The following ZFYVE9 variants were observed in gnomAD, a reference collection of about 807,000 sequenced individuals.
ZFYVE9 encodes zinc finger FYVE domain-containing protein 9.
A neutral mutation model predicts 126.7 loss-of-function variants in ZFYVE9; 43 were observed. The ratio of observed to expected loss-of-function variants is 0.34; its 90% CI spans 0.27 to 0.44. The LOEUF (loss-of-function observed/expected upper bound fraction) is 0.44, where lower values mean the gene tolerates loss of function less well. Among genes scored for constraint, ZFYVE9 ranks in the 20% least tolerant of loss-of-function variants. The pLI is 1.00. For missense variants in ZFYVE9, 1,476 were observed against 1,697.0 expected (o/e 0.87, Z 2.29); for synonymous variants, 521 against 597.4 (o/e 0.87, Z 1.87).
In ZFYVE9 at chr1:52,235,125, A is replaced by G. The variant is rs564498429; in HGVS notation, c.70+1849A>G. Among the ~76,000 whole-genome samples the G allele has an allele frequency of 3.9e-5, 6 of 152,288 alleles. No homozygotes were observed. In the East Asian group the frequency reaches 9.6e-4, roughly 24 times the overall value. On this transcript the variant is annotated intron_variant, in intron 3 of 18. Coordinates refer to ENST00000287727, the MANE Select transcript of ZFYVE9 (RefSeq NM_004799.4). ...AGAATAATAACTCCTTTAGAAGGAG[A>G]AGGATTTCTGAAACCAGCTTCTTGG...
At chr1:52,344,065 T>C (rs1646463729) in intron 17 of ZFYVE9, among the ~76,000 whole-genome samples, 1 of 150,830 alleles carries the variant, frequency 6.6e-6, no homozygotes, top group Non-Finnish European at 1.5e-5. Flanking sequence ...AGTGAGACTT[T>C]GTTTCCAAAA....
At chr1:52,193,974 A>G (rs1054411815) in intron 1 of ZFYVE9, among the ~76,000 whole-genome samples, 31 of 152,050 alleles carry the variant, frequency 2.0e-4, no homozygotes, top group African/African-American at 7.0e-4. Context: ...TATGTGTACA[A>G]TTAAAGTAGT....
At chr1:52,338,980 G>A (rs1405705438) in intron 16 of ZFYVE9, among the ~76,000 whole-genome samples, 2 of 152,088 alleles carry the variant, frequency 1.3e-5, no homozygotes, top group East Asian at 1.9e-4. Context: ...ACTGCATTCC[G>A]GCCTGGACAA....
intron 1 of ZFYVE9, among the ~76,000 whole-genome samples, chr1:52,198,413 A>G (rs190614210): frequency 2.3e-4 from 35 of 152,138 alleles, no homozygotes; most frequent in African/African-American, 7.5e-4. Flanking sequence ...GTTCTTTAAT[A>G]TAAGTAATTT....
chr1:52,294,651 G>A (rs751133600), intron 11 of ZFYVE9, among the ~76,000 whole-genome samples: 6 of 152,168 alleles, frequency 3.9e-5, no homozygotes, highest in Non-Finnish European at 8.8e-5. Context: ...GGAGCTCCAA[G>A]ACAGGCTCTA....
At chr1:52,146,626 A>G (rs1572054283) in intron 1 of ZFYVE9, among the ~76,000 whole-genome samples, 1 of 152,178 alleles carries the variant, frequency 6.6e-6, no homozygotes, top group African/African-American at 2.4e-5. Flanking sequence ...GTTCAGTCCC[A>G]TGAGTCCTGG....
intron 4 of ZFYVE9, among the ~76,000 whole-genome samples, chr1:52,251,507 TG>T (rs1645446362): frequency 6.6e-6 from 1 of 152,220 alleles, no homozygotes. Flanking sequence ...TTACATTAAT[TG>T]ATTTTCATAA....
intron 4 of ZFYVE9, among the ~76,000 whole-genome samples, chr1:52,247,606 C>T (rs957518654): frequency 1.3e-5 from 2 of 152,096 alleles, no homozygotes; most frequent in African/African-American, 4.8e-5. Flanking sequence ...AAGTGATTCT[C>T]CTGCCTCAGC....
intron 1 of ZFYVE9, among the ~76,000 whole-genome samples, chr1:52,188,696 T>C (rs1644788015): frequency 6.6e-6 from 1 of 152,164 alleles, no homozygotes; most frequent in African/African-American, 2.4e-5. Context: ...CATTGGTTTA[T>C]ATAGTAGACT....
chr1:52,168,227 T>C (rs915402590), intron 1 of ZFYVE9, among the ~76,000 whole-genome samples: 1 of 146,438 alleles, frequency 6.8e-6, no homozygotes, highest in Admixed American at 6.8e-5. Context: ...TTTTTTTTTT[T>C]TTTTTTTTTG....
At chr1:52,270,561 G>T (rs1645682435) in intron 7 of ZFYVE9, among the ~76,000 whole-genome samples, 1 of 152,036 alleles carries the variant, frequency 6.6e-6, no homozygotes, top group South Asian at 2.1e-4. Context: ...ACCGCGCCTG[G>T]CCTATAGCTT....
intron 1 of ZFYVE9, among the ~76,000 whole-genome samples, chr1:52,179,367 G>A (rs1011254828): frequency 6.6e-6 from 1 of 152,210 alleles, no homozygotes; most frequent in African/African-American, 2.4e-5. Flanking sequence ...GGGCGTGGTG[G>A]CTCATGCCTG....
intron 13 of ZFYVE9, among the ~76,000 whole-genome samples, chr1:52,321,799 G>GT (rs1646242916): frequency 6.6e-6 from 1 of 152,202 alleles, no homozygotes; most frequent in East Asian, 1.9e-4. Context: ...CTCATTTATC[G>GT]TAATTTAATT....
chr1:52,172,308 T>G (rs1351436859), intron 1 of ZFYVE9, among the ~76,000 whole-genome samples: 1 of 152,206 alleles, frequency 6.6e-6, no homozygotes, highest in African/African-American at 2.4e-5. Context: ...ATCAGATAGT[T>G]GTAGATATGC....
chr1:52,345,025 C>A, intron 18 of ZFYVE9, 81 bp downstream of exon 18: 1 of 1,497,108 alleles, frequency 6.7e-7, no homozygotes, highest in Non-Finnish European at 9.2e-7. Flanking sequence ...TGCATCACCC[C>A]AGAGAGCTTA....
At chr1:52,206,756 G>T (rs939121994) in intron 1 of ZFYVE9, among the ~76,000 whole-genome samples, 7 of 152,110 alleles carry the variant, frequency 4.6e-5, no homozygotes, top group African/African-American at 1.7e-4. Context: ...CGCCATGTTG[G>T]CCAGGCTCTT....
Position 52,142,780 on chromosome 1 carries a change from G to T in ZFYVE9, c.-143+377G>T, listed in dbSNP as rs1408640854. On this transcript the variant is annotated intron_variant, in intron 1 of 18. Transcript: ENST00000287727. The surrounding 1 kb of genome is among the most constrained non-coding windows in gnomAD (Gnocchi z 4.5). Reference sequence around the variant, plus strand: ...GCAGATGACGCCTGTTTGCAAACAAGCTTTGGCTTCCACGCGTCCCATACC... The same window carrying T: ...GCAGATGACGCCTGTTTGCAAACAATCTTTGGCTTCCACGCGTCCCATACC... 6.6e-6 allele frequency among the ~76,000 whole-genome samples: 1 copy of T among 152,182 alleles called. No individual in the cohort carries two copies. Among genetic ancestry groups the T allele is most frequent in the Non-Finnish European group, 1.5e-5 (1 of 68,014 alleles).
chr1:52,221,267 G>A (rs1026761488), intron 2 of ZFYVE9, among the ~76,000 whole-genome samples: 6 of 152,102 alleles, frequency 3.9e-5, no homozygotes, highest in Admixed American at 6.6e-5. Context: ...TCAATGATCC[G>A]GGGGGAACCA....
rs545307713 is a variant in ZFYVE9 at position 52,191,815 on chromosome 1, C to T, written c.-142-24554C>T. ...ATATCCTGGAAAGAAACCAGTCTAG[C>T]GGCACTTAGCAAAGGAGAGCTCAAC... is the stretch of plus-strand genomic sequence containing the variant. On this transcript the variant is annotated intron_variant, in intron 1 of 18. Coordinates refer to ENST00000287727, the MANE Select transcript of ZFYVE9 (RefSeq NM_004799.4). Among the ~76,000 whole-genome samples the T allele has an allele frequency of 1.6e-3, 251 of 152,168 alleles. 3 individuals carry two copies. Among genetic ancestry groups the T allele is most frequent in the Admixed American group, 2.4e-3 (36 of 15,264 alleles).
Sources: gnomAD v4.1 joint callset for allele counts (sites outside exome capture counted in the v4.1 genomes callset) on GRCh38, gnomAD v4.1.1 for gene constraint, Gnocchi (gnomAD v3.1) non-coding constraint, MANE v1.5 for transcripts, NCBI Gene and HGNC (gene_info 2026-07-23, HGNC 2026-07-21) for gene names.